Variants in DAB1 observed in about 807,000 individuals in gnomAD.
DAB1 encodes the protein DAB adaptor protein 1.
A neutral mutation model predicts 64.6 loss-of-function variants in DAB1; 15 were observed. The ratio of observed to expected loss-of-function variants is 0.23; its 90% confidence interval spans 0.16 to 0.36. DAB1 has a LOEUF of 0.36. DAB1 is among the 10% of genes least tolerant of loss of function. The pLI, the probability that DAB1 is intolerant of heterozygous loss-of-function variation, is 1.00. For missense variants in DAB1, 596 were observed against 706.7 expected (o/e 0.84, Z 1.78); for synonymous variants, 235 against 251.9 (o/e 0.93, Z 0.64).
chr1:57,671,514 G>T (rs535998435), intron 6 of DAB1, among the ~76,000 whole-genome samples: 1 of 152,108 alleles, frequency 6.6e-6, no homozygotes, highest in Admixed American at 6.6e-5. Context: ...AATCAACTTT[G>T]ATGGGTCCCC....
At chr1:57,752,551 G>A (rs1648605586) in intron 6 of DAB1, among the ~76,000 whole-genome samples, 1 of 152,206 alleles carries the variant, frequency 6.6e-6, no homozygotes, top group Non-Finnish European at 1.5e-5. Context: ...AGCTGGGCTA[G>A]AGGTCTTCTT....
intron 7 of DAB1, among the ~76,000 whole-genome samples, chr1:57,631,586 G>A (rs1645989981): frequency 6.6e-6 from 1 of 152,062 alleles, no homozygotes; most frequent in Admixed American, 6.6e-5. Context: ...AAATGTCCCT[G>A]ATGTTTATAG....
intron 3 of DAB1, among the ~76,000 whole-genome samples, chr1:58,455,470 G>T (rs567104833): frequency 1.3e-5 from 2 of 152,246 alleles, no homozygotes; most frequent in African/African-American, 4.8e-5. Flanking sequence ...CTGGCCATTG[G>T]AACTTGGCAG....
chr1:57,957,455 A>T lies in DAB1; in HGVS notation n.388-73293T>A, dbSNP rs528238032. Among the ~76,000 whole-genome samples the T allele has an allele frequency of 1.7e-4, 26 of 152,334 alleles. No homozygotes were observed. The East Asian group carries it at 4.6e-3, about 27-fold the overall frequency. ...GGAGAAATCAGGAGTTTGGTTTTGA[A>T]CATATTGGCTTTGAGATATATATTA... On this transcript the variant is annotated intron_variant and non_coding_transcript_variant, in intron 5 of 20. Transcript: ENST00000485760.
chr1:57,989,527 C>T (rs1646297228), intron 5 of DAB1, among the ~76,000 whole-genome samples: 1 of 152,184 alleles, frequency 6.6e-6, no homozygotes, highest in Non-Finnish European at 1.5e-5. Context: ...AAGATGCCCT[C>T]ACCCCTCAAT....
intron 5 of DAB1, among the ~76,000 whole-genome samples, chr1:57,973,590 T>TA (rs1179905334): frequency 6.6e-6 from 1 of 152,138 alleles, no homozygotes; most frequent in Non-Finnish European, 1.5e-5. Context: ...TGATACTTCT[T>TA]ATACACATCC....
intron 5 of DAB1, among the ~76,000 whole-genome samples, chr1:58,131,343 C>G (rs2100695593): frequency 7.1e-6 from 1 of 140,778 alleles, no homozygotes; most frequent in African/African-American, 2.5e-5. Flanking sequence ...ATTGGTTATT[C>G]TAGTTATACA....
At chr1:57,252,577 G>A (rs1376422910) in intron 2 of DAB1, among the ~76,000 whole-genome samples, 1 of 152,168 alleles carries the variant, frequency 6.6e-6, no homozygotes, top group Non-Finnish European at 1.5e-5. Flanking sequence ...CCTACTATGT[G>A]CCAAATATGA....
chr1:57,995,222 G>A (rs1209371059), intron 5 of DAB1, among the ~76,000 whole-genome samples: 1 of 152,152 alleles, frequency 6.6e-6, no homozygotes, highest in African/African-American at 2.4e-5. Context: ...TATCAGGTGA[G>A]GGTTACACAT....
chr1:57,520,220 T>C (rs894516433), intron 7 of DAB1, among the ~76,000 whole-genome samples: 2 of 152,234 alleles, frequency 1.3e-5, no homozygotes, highest in Admixed American at 6.5e-5. Context: ...GAAGGGTTAA[T>C]TTTCTTTTTT....
intron 3 of DAB1, among the ~76,000 whole-genome samples, chr1:58,380,097 C>G (rs1337251039): frequency 6.6e-6 from 1 of 152,284 alleles, no homozygotes; most frequent in Non-Finnish European, 1.5e-5. Context: ...TTGGATGCCA[C>G]CTGGGAAGCA....
At chr1:57,760,643 GAC>G (rs778535286) in intron 6 of DAB1, among the ~76,000 whole-genome samples, 3 of 106,812 alleles carry the variant, frequency 2.8e-5, no homozygotes, top group Non-Finnish European at 6.0e-5. Context: ...CACACACACA[GAC>G]ACACACACAC....
At chr1:58,475,890 A>G (rs1489165472) in intron 3 of DAB1, among the ~76,000 whole-genome samples, 1 of 152,172 alleles carries the variant, frequency 6.6e-6, no homozygotes, top group Non-Finnish European at 1.5e-5. Context: ...ACTAAACTCA[A>G]TATTTCTGTG....
chr1:58,072,533 A>G (rs1649340539), intron 5 of DAB1, among the ~76,000 whole-genome samples: 1 of 152,220 alleles, frequency 6.6e-6, no homozygotes, highest in Admixed American at 6.5e-5. Context: ...TCACCCACAG[A>G]GTTGCTGTGA....
intron 2 of DAB1, among the ~76,000 whole-genome samples, chr1:57,265,639 T>C (rs1670529758): frequency 6.6e-6 from 1 of 152,182 alleles, no homozygotes; most frequent in African/African-American, 2.4e-5. Flanking sequence ...TTGGCTTTAG[T>C]CAAGTTTGAG....
intron 3 of DAB1, among the ~76,000 whole-genome samples, chr1:58,500,301 T>C (rs1645885654): frequency 6.6e-6 from 1 of 152,134 alleles, no homozygotes; most frequent in South Asian, 2.1e-4. Flanking sequence ...CTCAACACTC[T>C]CTATGTCAGA....
chr1:58,404,642 G>T (rs1644599787), intron 3 of DAB1, among the ~76,000 whole-genome samples: 1 of 152,166 alleles, frequency 6.6e-6, no homozygotes. Flanking sequence ...GATTCAAAGT[G>T]GGAAGCTGTG....
At chr1:57,093,330 G>A (rs1653865752) in intron 4 of DAB1, among the ~76,000 whole-genome samples, 1 of 152,204 alleles carries the variant, frequency 6.6e-6, no homozygotes, top group South Asian at 2.1e-4. Context: ...CTCAGCACCA[G>A]AAATAACACA....
At chr1:58,536,873 C>T (rs1041888948) in intron 1 of DAB1, 1 of 583,748 alleles carries the variant, frequency 1.7e-6, no homozygotes, top group Non-Finnish European at 3.0e-6. Flanking sequence ...GAATACATCG[C>T]TTTTCCAATT....
Sources: gnomAD v4.1 joint callset for allele counts (sites outside exome capture counted in the v4.1 genomes callset) on GRCh38, gnomAD v4.1.1 for gene constraint, MANE v1.5 for transcripts, NCBI Gene and HGNC (gene_info 2026-07-23, HGNC 2026-07-21) for gene names.